Variants in PPFIBP1 observed in about 807,000 individuals in gnomAD.
The protein encoded by PPFIBP1 is PPFIB scaffold protein 1, also known as liprin-beta-1.
Under a neutral mutation model 137.8 loss-of-function variants are expected in PPFIBP1, and 112 were observed. That is an observed-to-expected ratio of 0.81 (90% CI 0.70 to 0.95). The LOEUF is 0.95. Among genes scored for constraint, PPFIBP1 ranks in the 40% least tolerant of loss-of-function variants. PPFIBP1 has a pLI of 0.00. For synonymous variants in PPFIBP1, 378 were observed against 417.3 expected, an observed-to-expected ratio of 0.91 and a Z score of 1.15; for missense variants, 1,083 against 1,196.6, an observed-to-expected ratio of 0.91 and a Z score of 1.40.
chr12:27,654,570 G>A, intron 7 of PPFIBP1, 152 bp from the exon 8 acceptor site: 1 of 934,022 alleles, frequency 1.1e-6, no homozygotes, highest in African/African-American at 1.7e-5. Flanking sequence ...CGTTCTTAAG[G>A]AGGTACATTT....
At chr12:27,630,167 T>C (rs141525262) in intron 2 of PPFIBP1, among the ~76,000 whole-genome samples, 34 of 152,106 alleles carry the variant, frequency 2.2e-4, no homozygotes, top group African/African-American at 8.2e-4. Flanking sequence ...AGAAAAGAAA[T>C]AGCAGGACAA....
intron 1 of PPFIBP1, among the ~76,000 whole-genome samples, chr12:27,556,270 A>G (rs1048956896): frequency 1.3e-5 from 2 of 152,218 alleles, no homozygotes; most frequent in Non-Finnish European, 2.9e-5. Context: ...ATTAACATTC[A>G]TTACTGCATG....
chr12:27,627,385 G>A (rs574713872), intron 2 of PPFIBP1, among the ~76,000 whole-genome samples: 70 of 152,246 alleles, frequency 4.6e-4, no homozygotes, highest in Non-Finnish European at 8.2e-4. Context: ...AGAATACTGT[G>A]GCGTTCTACC....
intron 2 of PPFIBP1, among the ~76,000 whole-genome samples, chr12:27,632,234 A>T (rs556419690): frequency 6.6e-6 from 1 of 152,344 alleles, no homozygotes; most frequent in South Asian, 2.1e-4. Flanking sequence ...TCATCCAAGG[A>T]GTTGATACCG....
At chr12:27,641,166 G>A in intron 4 of PPFIBP1, among the ~76,000 whole-genome samples, 1 of 152,134 alleles carries the variant, frequency 6.6e-6, no homozygotes, top group East Asian at 1.9e-4. Context: ...CCTTAAAAAG[G>A]GGGCTGTTTT....
intron 2 of PPFIBP1, chr12:27,599,329 C>T (rs1480291253): frequency 2.6e-6 from 1 of 383,568 alleles, no homozygotes; most frequent in Non-Finnish European, 5.2e-6. Flanking sequence ...TTGCACAGTC[C>T]TTCCCTGCTC....
At position 27,532,459 on chromosome 12, in the gene PPFIBP1, A is replaced by ATT. The variant is rs56200812; in HGVS notation, c.-124+8108_-124+8109dup. Among the ~76,000 whole-genome samples, 1,342 of 144,424 alleles carry ATT rather than the reference A, an allele frequency of 9.3e-3. 19 individuals carry two copies. Among genetic ancestry groups the ATT allele is most frequent in the African/African-American group, 0.033 (1,285 of 39,386 alleles). 94.7% of individuals were successfully genotyped at this position (144,424 alleles called of 152,430 possible). A position where few individuals can be genotyped will look rare whatever the true frequency, so the allele number is the denominator to read the frequency against. On this transcript the variant is annotated intron_variant, in intron 1 of 29. Coordinates refer to ENST00000228425, the MANE Select transcript of PPFIBP1 (RefSeq NM_003622.4). ...GGAGTTGGGATGAAGGGAACTTTGT[A>ATT]TTTTTTTTTTTTTTTACAGTATATT... is the stretch of plus-strand genomic sequence containing the variant.
chr12:27,692,918 CTT>C lies in PPFIBP1; in HGVS notation c.*41_*42del. 6.2e-7 allele frequency: 1 copy of C among 1,611,154 alleles called. No individual in the cohort carries two copies. The highest frequency in any genetic ancestry group is 8.5e-7 in the Non-Finnish European group (1 of 1,178,806). On this transcript the variant is annotated 3_prime_UTR_variant, in exon 30 of 30. Transcript: ENST00000228425. The stretch of plus-strand genomic sequence containing the variant: ...TGGATGAACATTAGGAGTGCTTAGT[CTT>C]TTTTCTACTTGCTTTTCCAAACACT...
At chr12:27,586,985 G>A (rs538386863) in intron 2 of PPFIBP1, among the ~76,000 whole-genome samples, 1 of 152,292 alleles carries the variant, frequency 6.6e-6, no homozygotes, top group East Asian at 1.9e-4. Context: ...AAACGGCAGA[G>A]GACCTATCTC....
intron 1 of PPFIBP1, among the ~76,000 whole-genome samples, chr12:27,568,698 G>T (rs2049893096): frequency 6.6e-6 from 1 of 152,100 alleles, no homozygotes; most frequent in Admixed American, 6.6e-5. Flanking sequence ...TTATTTAATG[G>T]CTTTGCTTCC....
At chr12:27,550,622 A>G (rs1198274123) in intron 1 of PPFIBP1, among the ~76,000 whole-genome samples, 2 of 152,236 alleles carry the variant, frequency 1.3e-5, no homozygotes, top group Non-Finnish European at 2.9e-5. Flanking sequence ...CCGAGATCAA[A>G]CAGAGATTAT....
At chr12:27,646,465 A>G (rs2058503037) in intron 5 of PPFIBP1, among the ~76,000 whole-genome samples, 1 of 144,672 alleles carries the variant, frequency 6.9e-6, no homozygotes, top group East Asian at 2.0e-4. Context: ...GCTAGTCTTG[A>G]ACTCCTAGGC....
At chr12:27,639,371 C>T (rs1283438834) in intron 4 of PPFIBP1, among the ~76,000 whole-genome samples, 3 of 152,112 alleles carry the variant, frequency 2.0e-5, no homozygotes, top group East Asian at 1.9e-4. Flanking sequence ...TGGAAAAATA[C>T]GTCTAATTGT....
intron 21 of PPFIBP1, among the ~76,000 whole-genome samples, chr12:27,681,188 C>T (rs2140363749): frequency 6.6e-6 from 1 of 152,332 alleles, no homozygotes; most frequent in East Asian, 1.9e-4. Flanking sequence ...TCAAATTAGA[C>T]TTAAGTTTCT....
intron 1 of PPFIBP1, among the ~76,000 whole-genome samples, chr12:27,557,305 G>A (rs1027104530): frequency 2.0e-5 from 3 of 149,382 alleles, no homozygotes; most frequent in Non-Finnish European, 4.4e-5. Context: ...GCGAGATCTC[G>A]GCTCTCTGCG....
chr12:27,609,893 A>G (rs534911084), intron 2 of PPFIBP1, among the ~76,000 whole-genome samples: 1 of 152,286 alleles, frequency 6.6e-6, no homozygotes, highest in South Asian at 2.1e-4. Flanking sequence ...CTTGCAGATG[A>G]CATTCTTATT....
At chr12:27,626,483 T>C (rs1474826965) in intron 2 of PPFIBP1, among the ~76,000 whole-genome samples, 1 of 151,958 alleles carries the variant, frequency 6.6e-6, no homozygotes, top group African/African-American at 2.4e-5. Context: ...TCAGAGCCAG[T>C]GGGAGGGCTT....
intron 17 of PPFIBP1, 94 bp downstream of exon 17, chr12:27,674,315 C>A: frequency 2.4e-6 from 2 of 847,288 alleles, no homozygotes; most frequent in Non-Finnish European, 3.7e-6. Flanking sequence ...ACTTTCAGAA[C>A]CTCTAGAACA....
chr12:27,682,259 G>C (rs1488231565), intron 22 of PPFIBP1, 128 bp from the exon 23 acceptor site: 4 of 706,700 alleles, frequency 5.7e-6, no homozygotes, highest in Non-Finnish European at 2.5e-6. Context: ...ACTAGCCCAA[G>C]TTGGGATTGT....
Sources: gnomAD v4.1 joint callset for allele counts (sites outside exome capture counted in the v4.1 genomes callset) on GRCh38, gnomAD v4.1.1 for gene constraint, MANE v1.5 for transcripts, NCBI Gene and HGNC (gene_info 2026-07-23, HGNC 2026-07-21) for gene names.